SNX8: variants seen among roughly 807,000 people sequenced by gnomAD.
SNX8 encodes the protein sorting nexin 8.
Under a neutral mutation model 51.6 loss-of-function variants are expected in SNX8, and 25 were observed. That is an observed-to-expected ratio of 0.48 (90% CI 0.35 to 0.68). The LOEUF (loss-of-function observed/expected upper bound fraction) is 0.68, where lower values mean the gene tolerates loss of function less well. Ranked by LOEUF, SNX8 falls within the 30% of genes least tolerant of loss-of-function variation. The pLI is 0.00. For missense variants in SNX8, 695 were observed against 624.0 expected (o/e 1.11, Z -1.21); for synonymous variants, 324 against 277.0 (o/e 1.17, Z -1.68).
At chr7:2,310,798 G>A (rs4721573) in intron 1 of SNX8, among the ~76,000 whole-genome samples, 59,126 of 151,762 alleles carry the variant, frequency 0.39, 13,395 homozygotes, top group African/African-American at 0.64. Context: ...AAAATAAAAG[G>A]AACAAAAGAA....
intron 1 of SNX8, among the ~76,000 whole-genome samples, chr7:2,326,249 T>C (rs556210777): frequency 1.3e-5 from 2 of 152,106 alleles, no homozygotes; most frequent in South Asian, 4.2e-4. Flanking sequence ...TCTGTGATCC[T>C]AGTTACTTGG....
Position 2,254,893 on chromosome 7 carries a change from A to T in SNX8, c.*163T>A, listed in dbSNP as rs1327605794. The T allele has an allele frequency of 1.6e-6, 1 of 639,766 alleles. No homozygotes were observed. The highest frequency in any genetic ancestry group is 1.8e-5 in the African/African-American group (1 of 56,000). 39.6% of individuals were successfully genotyped at this position (639,766 alleles called of 1,614,324 possible). On this transcript the variant is annotated 3_prime_UTR_variant, in exon 11 of 11. Transcript: ENST00000222990. ...TGTGGCCCAGCTGCCCCCATGGTCC[A>T]CGGATGCGCCTCCCGACCCGCAGGC... is the stretch of plus-strand genomic sequence containing the variant.
chr7:2,331,561 C>T (rs971290729), intron 1 of SNX8, among the ~76,000 whole-genome samples: 1 of 151,756 alleles, frequency 6.6e-6, no homozygotes, highest in African/African-American at 2.4e-5. Context: ...AAAAATTAGC[C>T]GGGCGTGGTG....
chr7:2,320,038 A>G (rs1796809317), intron 1 of SNX8, among the ~76,000 whole-genome samples: 2 of 152,066 alleles, frequency 1.3e-5, no homozygotes, highest in African/African-American at 2.4e-5. Flanking sequence ...TAAAAGTACA[A>G]TAATACCTTT....
upstream of SNX8, chr7:2,354,424 GC>G (rs1265317986): frequency 6.6e-6 from 1 of 152,210 alleles, no homozygotes; most frequent in African/African-American, 2.4e-5. Context: ...CTGAGCAATC[GC>G]CTGTTGAGTC....
intron 1 of SNX8, among the ~76,000 whole-genome samples, chr7:2,278,696 C>A (rs368646818): frequency 1.6e-4 from 17 of 107,692 alleles, no homozygotes; most frequent in African/African-American, 4.3e-4. Flanking sequence ...ACGGAGTCGA[C>A]GCCGGACTCA....
chr7:2,344,033 CAAAAAAAAAAA>C (rs61399367), intron 1 of SNX8, among the ~76,000 whole-genome samples: 2 of 58,976 alleles, frequency 3.4e-5, no homozygotes, highest in Non-Finnish European at 7.0e-5. Flanking sequence ...AACTCCATCT[CAAAAAAAAAAA>C]AAAAAAAAAA....
At chr7:2,352,178 C>T (rs937370124) in intron 1 of SNX8, among the ~76,000 whole-genome samples, 1 of 152,018 alleles carries the variant, frequency 6.6e-6, no homozygotes, top group Admixed American at 6.6e-5. Context: ...TCCCAAAGTG[C>T]TGGGATTACA....
intron 1 of SNX8, among the ~76,000 whole-genome samples, chr7:2,321,068 T>A (rs1472092698): frequency 6.6e-6 from 1 of 152,170 alleles, no homozygotes; most frequent in Non-Finnish European, 1.5e-5. Flanking sequence ...GAAATGTGTG[T>A]AGCCGGTGGG....
chr7:2,337,753 C>T (rs1267756546), intron 1 of SNX8, among the ~76,000 whole-genome samples: 1 of 149,744 alleles, frequency 6.7e-6, no homozygotes, highest in Non-Finnish European at 1.5e-5. Flanking sequence ...CAGAGTCAAC[C>T]CCTTTATTAC....
chr7:2,256,780 G>A (rs949483912), intron 10 of SNX8, 94 bp downstream of exon 10: 8 of 1,330,400 alleles, frequency 6.0e-6, no homozygotes, highest in Non-Finnish European at 8.2e-6. Flanking sequence ...ACCTCTCTAG[G>A]GCGGCCGGCC....
chr7:2,270,731 C>T (rs1163458573), intron 4 of SNX8, among the ~76,000 whole-genome samples: 1 of 152,172 alleles, frequency 6.6e-6, no homozygotes, highest in Non-Finnish European at 1.5e-5. Flanking sequence ...ACATCTCAGG[C>T]ACAGGGGGAA....
chr7:2,287,662 A>G (rs1796062123), intron 1 of SNX8, among the ~76,000 whole-genome samples: 1 of 152,118 alleles, frequency 6.6e-6, no homozygotes, highest in African/African-American at 2.4e-5. Flanking sequence ...GAGGCAGGAG[A>G]ATCGCTTGAA....
intron 1 of SNX8, 145 bp downstream of exon 1, chr7:2,314,183 G>T: frequency 1.1e-6 from 1 of 887,312 alleles, no homozygotes. Flanking sequence ...GGGGACCTCC[G>T]AGGGACTGGG....
At chr7:2,268,516 C>G (rs1416631425) in intron 5 of SNX8, among the ~76,000 whole-genome samples, 4 of 144,918 alleles carry the variant, frequency 2.8e-5, no homozygotes, top group Admixed American at 2.0e-4. Flanking sequence ...TCAGCCCCCC[C>G]GCCCGGCCAG....
intron 1 of SNX8, among the ~76,000 whole-genome samples, chr7:2,306,867 C>T (rs1175942719): frequency 1.3e-5 from 2 of 152,156 alleles, no homozygotes; most frequent in Non-Finnish European, 2.9e-5. Context: ...TCCTGGTGGA[C>T]ACCCGCACAA....
At chr7:2,282,079 G>A (rs529642176) in intron 1 of SNX8, among the ~76,000 whole-genome samples, 1 of 152,342 alleles carries the variant, frequency 6.6e-6, no homozygotes, top group South Asian at 2.1e-4. Flanking sequence ...CCCAGGCCAA[G>A]GGCCTCAGAA....
Position 2,252,715 on chromosome 7 carries a change from T to A in SNX8, c.*2341A>T, listed in dbSNP as rs1795070327. On this transcript the variant is annotated 3_prime_UTR_variant, in exon 11 of 11. Coordinates refer to ENST00000222990, the MANE Select transcript of SNX8 (RefSeq NM_013321.4). ...CCTTCCCACCCCTGCCCTCTTGCTCTCCTCACCCCTGCCCTCTTGCTCTCT... is the reference window on the plus strand; with the variant it reads ...CCTTCCCACCCCTGCCCTCTTGCTCACCTCACCCCTGCCCTCTTGCTCTCT... The A allele has an allele frequency of 9.4e-6, 1 of 106,870 alleles. No homozygotes were observed. The highest frequency in any genetic ancestry group is 3.5e-5 in the African/African-American group (1 of 28,318). The allele number at this position is 106,870 out of a possible 1,614,324, so 6.6% of individuals were successfully genotyped here. A position where few individuals can be genotyped will look rare whatever the true frequency, so the allele number is the denominator to read the frequency against.
At chr7:2,313,978 G>A (rs1796710072) in intron 1 of SNX8, among the ~76,000 whole-genome samples, 1 of 152,244 alleles carries the variant, frequency 6.6e-6, no homozygotes, top group African/African-American at 2.4e-5. Context: ...CAGGGCAGAA[G>A]AGCAGGGCAC....
Sources: allele counts gnomAD v4.1 joint callset (sites outside exome capture counted in the v4.1 genomes callset), GRCh38; gene constraint gnomAD v4.1.1; transcripts MANE v1.5; gene names NCBI Gene and HGNC (gene_info 2026-07-23, HGNC 2026-07-21).